Variants in EVI5 observed in about 807,000 individuals in gnomAD.
The protein encoded by EVI5 is ecotropic viral integration site 5.
Under a neutral mutation model 112.0 loss-of-function variants are expected in EVI5, and 73 were observed. That is an observed-to-expected ratio of 0.65 (90% CI 0.54 to 0.79). The LOEUF is 0.79. Ranked by LOEUF, EVI5 falls within the 30% of genes least tolerant of loss-of-function variation. EVI5 has a pLI of 0.00. For missense variants in EVI5, 900 were observed against 968.8 expected (o/e 0.93, Z 0.94); for synonymous variants, 305 against 319.9 (o/e 0.95, Z 0.50).
intron 1 of EVI5, among the ~76,000 whole-genome samples, chr1:92,754,780 T>C (rs1680671678): frequency 6.6e-6 from 1 of 152,184 alleles, no homozygotes; most frequent in African/African-American, 2.4e-5. Flanking sequence ...AATATTCAAT[T>C]GGTTACACAA....
At chr1:92,551,009 C>T (rs1367212380) in intron 19 of EVI5, among the ~76,000 whole-genome samples, 1 of 137,758 alleles carries the variant, frequency 7.3e-6, no homozygotes, top group Non-Finnish European at 1.6e-5. Flanking sequence ...ATAAATTGCA[C>T]TAATTTCTTT....
At position 92,513,754 on chromosome 1, in the gene EVI5, C is replaced by T. The variant is rs766500924; in HGVS notation, c.2383G>A (p.Glu795Lys). The change falls in exon 20 of 20, where the codon GAA (glutamate) becomes AAA (lysine). Residue 795 changes from glutamate to lysine, a missense_variant. Transcript: ENST00000684568. Reference sequence around the variant, plus strand: ...GTCTCCAGCACACTGTCTTCTGTTTCGCTCTCACTACCATCTGCCACTGCG... The same window carrying T: ...GTCTCCAGCACACTGTCTTCTGTTTTGCTCTCACTACCATCTGCCACTGCG... Reference protein sequence around the residue: ...DPAVADGSESETEDSVLETRE... With the variant: ...DPAVADGSESKTEDSVLETRE... 1.6e-5 allele frequency: 26 copies of T among 1,613,528 alleles called. No homozygotes were observed. The highest frequency in any genetic ancestry group is 3.3e-5 in the South Asian group (3 of 91,042).
chr1:92,724,340 C>T (rs1177103479), intron 2 of EVI5, among the ~76,000 whole-genome samples: 2 of 152,078 alleles, frequency 1.3e-5, no homozygotes, highest in African/African-American at 2.4e-5. Flanking sequence ...AAAGAACCTA[C>T]GTTGAAATAC....
At chr1:92,522,420 A>G (rs1158112421) in intron 19 of EVI5, among the ~76,000 whole-genome samples, 6 of 151,928 alleles carry the variant, frequency 3.9e-5, no homozygotes, top group Non-Finnish European at 7.4e-5. Flanking sequence ...GAAGGATCAC[A>G]AGGTCAGGAG....
intron 1 of EVI5, among the ~76,000 whole-genome samples, chr1:92,780,297 C>T (rs1176574000): frequency 6.6e-6 from 1 of 152,178 alleles, no homozygotes; most frequent in Non-Finnish European, 1.5e-5. Flanking sequence ...TAAATTACCC[C>T]GTCTTGGGTA....
At chr1:92,630,504 T>A (rs1380936925) in intron 14 of EVI5, among the ~76,000 whole-genome samples, 5 of 152,350 alleles carry the variant, frequency 3.3e-5, no homozygotes, top group Non-Finnish European at 4.4e-5. Context: ...CACCCACTTG[T>A]TGATGGGGTT....
In EVI5 at chr1:92,512,333, T is replaced by A. The variant is rs1474207648; in HGVS notation, c.*1323A>T. ...AGTAGAATATTAGCACTAACTAATA[T>A]GTGCTATAACCTCTTCAGTCATGAA... is the stretch of plus-strand genomic sequence containing the variant. On this transcript the variant is annotated 3_prime_UTR_variant, in exon 20 of 20. Coordinates refer to ENST00000684568, the MANE Select transcript of EVI5 (RefSeq NM_001350197.2). 1 of 152,624 alleles carries A rather than the reference T, an allele frequency of 6.6e-6. No homozygotes were observed. Among genetic ancestry groups the A allele is most frequent in the Non-Finnish European group, 1.5e-5 (1 of 68,034 alleles). 9.5% of individuals were successfully genotyped at this position (152,624 alleles called of 1,614,324 possible).
At chr1:92,663,481 A>T in intron 11 of EVI5, 29 bp from the exon 12 acceptor site, 1 of 1,189,156 alleles carries the variant, frequency 8.4e-7, no homozygotes, top group Non-Finnish European at 1.2e-6. Flanking sequence ...AGATAGAAAT[A>T]TAAGAGAAAG....
At chr1:92,716,480 G>C (rs1443824350) in intron 2 of EVI5, among the ~76,000 whole-genome samples, 1 of 152,342 alleles carries the variant, frequency 6.6e-6, no homozygotes, top group East Asian at 1.9e-4. Flanking sequence ...CAACATCAAA[G>C]ACCAAAGGTA....
intron 13 of EVI5, among the ~76,000 whole-genome samples, chr1:92,651,532 A>C (rs1004550393): frequency 6.6e-6 from 1 of 152,398 alleles, no homozygotes; most frequent in Non-Finnish European, 1.5e-5. Flanking sequence ...CAAAAATCAG[A>C]AAATAACAAC....
At chr1:92,578,716 TA>T (rs71586756) in intron 18 of EVI5, among the ~76,000 whole-genome samples, 38,449 of 121,406 alleles carry the variant, frequency 0.32, 5,504 homozygotes, top group African/African-American at 0.41. Context: ...AGACTCTGTC[TA>T]AAAAAAAAAA....
chr1:92,541,689 T>C (rs1664837073), intron 19 of EVI5, among the ~76,000 whole-genome samples: 1 of 152,190 alleles, frequency 6.6e-6, no homozygotes, highest in African/African-American at 2.4e-5. Context: ...TTATTTATGA[T>C]AGCCAAAAAG....
intron 1 of EVI5, among the ~76,000 whole-genome samples, chr1:92,791,577 T>C (rs1686093222): frequency 6.6e-6 from 1 of 152,184 alleles, no homozygotes; most frequent in African/African-American, 2.4e-5. Flanking sequence ...CACCTGCTAA[T>C]AGTCTGGCTT....
intron 19 of EVI5, among the ~76,000 whole-genome samples, chr1:92,539,152 A>G (rs767079446): frequency 2.0e-5 from 3 of 152,198 alleles, no homozygotes; most frequent in Non-Finnish European, 4.4e-5. Context: ...CTTTTCCAGC[A>G]TTAATTTACT....
intron 19 of EVI5, among the ~76,000 whole-genome samples, chr1:92,562,044 T>C (rs1167611177): frequency 1.3e-5 from 2 of 152,200 alleles, no homozygotes; most frequent in Non-Finnish European, 2.9e-5. Flanking sequence ...AACTTTCTTG[T>C]TTCAGCAACA....
chr1:92,542,609 T>A (rs953689005), intron 19 of EVI5, among the ~76,000 whole-genome samples: 2 of 152,234 alleles, frequency 1.3e-5, no homozygotes, highest in Non-Finnish European at 2.9e-5. Context: ...GCACTATATG[T>A]CTTCTGGATA....
chr1:92,598,961 A>T (rs1291956708), intron 18 of EVI5, among the ~76,000 whole-genome samples: 2 of 152,108 alleles, frequency 1.3e-5, no homozygotes, highest in East Asian at 3.8e-4. Flanking sequence ...GCAGTAGATG[A>T]TAATTCTTAA....
intron 18 of EVI5, among the ~76,000 whole-genome samples, chr1:92,572,183 T>C (rs1670418748): frequency 6.6e-6 from 1 of 152,234 alleles, no homozygotes; most frequent in East Asian, 1.9e-4. Flanking sequence ...CAAATGGTCA[T>C]CAATAACTCA....
intron 15 of EVI5, among the ~76,000 whole-genome samples, chr1:92,624,596 ACTT>A (rs1211695490): frequency 1.4e-5 from 2 of 146,760 alleles, no homozygotes; most frequent in African/African-American, 5.0e-5. Flanking sequence ...TAATCCCAGC[ACTT>A]TGGGAGGCCA....
Sources: allele counts gnomAD v4.1 joint callset (sites outside exome capture counted in the v4.1 genomes callset), GRCh38; gene constraint gnomAD v4.1.1; transcripts MANE v1.5; gene names NCBI Gene and HGNC (gene_info 2026-07-23, HGNC 2026-07-21).